The following PTPRD variants were observed in gnomAD, a reference collection of about 807,000 sequenced individuals.
The protein encoded by PTPRD is receptor-type tyrosine-protein phosphatase delta.
In PTPRD, 34 loss-of-function variants were observed where a neutral mutation model predicts 214.5. That is an observed-to-expected ratio of 0.16 (90% CI 0.12 to 0.21). The LOEUF is 0.21. Ranked by LOEUF, PTPRD falls within the 10% of genes least tolerant of loss-of-function variation. PTPRD has a pLI of 1.00. For missense variants in PTPRD, 2,545 were observed against 2,398.7 expected (o/e 1.06, Z -1.27); for synonymous variants, 1,128 against 845.7 (o/e 1.33, Z -5.79).
At chr9:8,841,747 C>G (rs2097562370) in intron 11 of PTPRD, among the ~76,000 whole-genome samples, 1 of 151,478 alleles carries the variant, frequency 6.6e-6, no homozygotes, top group African/African-American at 2.4e-5. Flanking sequence ...CACGGTGGCT[C>G]ACTCCTGTAA....
intron 2 of PTPRD, among the ~76,000 whole-genome samples, chr9:10,609,696 CAA>C (rs1167384990): frequency 6.6e-6 from 1 of 151,776 alleles, no homozygotes. Context: ...AAGAATAAAG[CAA>C]AAAAAGTTAT....
intron 11 of PTPRD, among the ~76,000 whole-genome samples, chr9:8,870,966 C>A (rs564325810): frequency 3.9e-5 from 6 of 152,288 alleles, no homozygotes; most frequent in African/African-American, 1.2e-4. Context: ...CTTTTATTCC[C>A]TGCCTGCTGA....
chr9:8,971,215 C>T (rs537738427), intron 11 of PTPRD, among the ~76,000 whole-genome samples: 1 of 151,616 alleles, frequency 6.6e-6, no homozygotes, highest in Non-Finnish European at 1.5e-5. Context: ...ACAAGAAATA[C>T]TTTATTAGAT....
intron 3 of PTPRD, among the ~76,000 whole-genome samples, chr9:10,296,086 G>A (rs1287232782): frequency 6.6e-6 from 1 of 152,046 alleles, no homozygotes; most frequent in East Asian, 1.9e-4. Context: ...ACAGATGGGA[G>A]AAAGCACAAG....
chr9:10,511,489 T>C (rs911348345), intron 2 of PTPRD, among the ~76,000 whole-genome samples: 4 of 151,936 alleles, frequency 2.6e-5, no homozygotes, highest in African/African-American at 7.3e-5. Flanking sequence ...CTGCAACTTC[T>C]GCCTCCTGGG....
chr9:9,520,403 T>C (rs1022458344), intron 8 of PTPRD, among the ~76,000 whole-genome samples: 6 of 151,584 alleles, frequency 4.0e-5, no homozygotes, highest in Non-Finnish European at 8.8e-5. Flanking sequence ...CCTGCTCAAG[T>C]ATAGTACATG....
At chr9:8,991,913 A>G (rs771589582) in intron 11 of PTPRD, among the ~76,000 whole-genome samples, 2 of 151,808 alleles carry the variant, frequency 1.3e-5, no homozygotes, top group Non-Finnish European at 2.9e-5. Context: ...ACTAAACACT[A>G]AATTTTAAAG....
intron 12 of PTPRD, among the ~76,000 whole-genome samples, chr9:8,659,045 T>C (rs373438445): frequency 6.6e-6 from 1 of 150,664 alleles, no homozygotes; most frequent in East Asian, 2.0e-4. Context: ...CTTATTCTCA[T>C]CCTTCAACAA....
At chr9:10,273,569 T>C (rs1302362549) in intron 3 of PTPRD, among the ~76,000 whole-genome samples, 1 of 152,114 alleles carries the variant, frequency 6.6e-6, no homozygotes, top group South Asian at 2.1e-4. Flanking sequence ...GTTAAAAATA[T>C]CTTAGGGTGA....
intron 4 of PTPRD, among the ~76,000 whole-genome samples, chr9:9,989,149 T>C (rs1173855638): frequency 1.3e-5 from 2 of 152,008 alleles, no homozygotes; most frequent in African/African-American, 2.4e-5. Flanking sequence ...TTTTTTCATA[T>C]TTCTTACATG....
At chr9:8,500,215 G>T (rs1046798003) in intron 24 of PTPRD, among the ~76,000 whole-genome samples, 1 of 151,904 alleles carries the variant, frequency 6.6e-6, no homozygotes, top group Non-Finnish European at 1.5e-5. Flanking sequence ...ATTGTTGTGT[G>T]TTTTTTAAAG....
At chr9:10,425,875 C>T (rs978157939) in intron 2 of PTPRD, among the ~76,000 whole-genome samples, 1 of 151,810 alleles carries the variant, frequency 6.6e-6, no homozygotes, top group Non-Finnish European at 1.5e-5. Flanking sequence ...AAGTCATATA[C>T]AATTTTTATT....
chr9:9,658,908 G>A (rs1489483890), intron 7 of PTPRD, among the ~76,000 whole-genome samples: 1 of 152,036 alleles, frequency 6.6e-6, no homozygotes, highest in Non-Finnish European at 1.5e-5. Context: ...TTAGAGCCTA[G>A]ATTTAAATCT....
intron 5 of PTPRD, among the ~76,000 whole-genome samples, chr9:9,850,698 ACT>A (rs2060398439): frequency 6.6e-6 from 1 of 152,144 alleles, no homozygotes; most frequent in East Asian, 1.9e-4. Flanking sequence ...CTTAAAATCT[ACT>A]CTCTAAGCAA....
rs1032843494 is a variant in PTPRD at position 8,374,047 on chromosome 9, A to T, written c.4661+1889T>A. ...AAAATCATCATGCTGTTTTTCAGTG[A>T]AAACTCCCAAATTATGTGTCTCTAA... On this transcript the variant is annotated intron_variant, in intron 39 of 45. Coordinates refer to ENST00000381196, the MANE Select transcript of PTPRD (RefSeq NM_002839.4). Among the ~76,000 whole-genome samples, 76 of 151,504 alleles carry T rather than the reference A, an allele frequency of 5.0e-4. 1 individual carries two copies. The highest frequency in any genetic ancestry group is 1.7e-3 in the African/African-American group (72 of 41,236).
At chr9:9,549,224 G>A (rs1300453493) in intron 8 of PTPRD, among the ~76,000 whole-genome samples, 1 of 152,016 alleles carries the variant, frequency 6.6e-6, no homozygotes, top group East Asian at 1.9e-4. Context: ...GCAGCCACAG[G>A]TTAGGAGAAA....
At chr9:8,931,400 C>G (rs10453214) in intron 11 of PTPRD, among the ~76,000 whole-genome samples, 74,607 of 151,812 alleles carry the variant, frequency 0.49, 18,642 homozygotes, top group Middle Eastern at 0.59. Flanking sequence ...TAGCGGGATG[C>G]CTCCAGCTTT....
chr9:10,155,078 G>A (rs2099085013), intron 3 of PTPRD, among the ~76,000 whole-genome samples: 1 of 152,030 alleles, frequency 6.6e-6, no homozygotes, highest in African/African-American at 2.4e-5. Context: ...CTATCCATGA[G>A]CATAGAATGT....
At chr9:8,710,303 A>T (rs1215610372) in intron 12 of PTPRD, among the ~76,000 whole-genome samples, 1 of 152,156 alleles carries the variant, frequency 6.6e-6, no homozygotes, top group Non-Finnish European at 1.5e-5. Flanking sequence ...AATAACATTC[A>T]AAAGGTAAAT....
Sources: gnomAD v4.1 joint callset for allele counts (sites outside exome capture counted in the v4.1 genomes callset) on GRCh38, gnomAD v4.1.1 for gene constraint, MANE v1.5 for transcripts, NCBI Gene and HGNC (gene_info 2026-07-23, HGNC 2026-07-21) for gene names.